TMEM132B: variants seen among roughly 807,000 people sequenced by gnomAD.
The protein encoded by TMEM132B is transmembrane protein 132B.
In TMEM132B, 18 loss-of-function variants were observed where a neutral mutation model predicts 90.8. That is an observed-to-expected ratio of 0.20 (90% CI 0.14 to 0.29). The LOEUF (loss-of-function observed/expected upper bound fraction) is 0.29, where lower values mean the gene tolerates loss of function less well. Among genes scored for constraint, TMEM132B ranks in the 10% least tolerant of loss-of-function variants. TMEM132B has a pLI of 1.00. For missense variants in TMEM132B, 1,096 were observed against 1,326.8 expected (o/e 0.83, Z 2.70); for synonymous variants, 504 against 523.3 (o/e 0.96, Z 0.50).
At chr12:125,196,913 A>G (rs1386325305) in intron 1 of TMEM132B, among the ~76,000 whole-genome samples, 1 of 152,176 alleles carries the variant, frequency 6.6e-6, no homozygotes, top group African/African-American at 2.4e-5. Context: ...ACACAGCTGG[A>G]AAGAGCAGAG....
chr12:125,282,016 A>T, intron 1 of TMEM132B, among the ~76,000 whole-genome samples: 1 of 117,948 alleles, frequency 8.5e-6, no homozygotes, highest in Non-Finnish European at 1.7e-5. Context: ...CAACACAGGG[A>T]GACTCCGTCT....
chr12:125,249,297 G>A (rs1036849294), intron 1 of TMEM132B, among the ~76,000 whole-genome samples: 4 of 152,102 alleles, frequency 2.6e-5, no homozygotes, highest in Admixed American at 1.3e-4. Context: ...GGTGGGGCCC[G>A]AGGATTTGCA....
At chr12:125,497,534 A>G (rs1882592691) in intron 3 of TMEM132B, among the ~76,000 whole-genome samples, 1 of 152,192 alleles carries the variant, frequency 6.6e-6, no homozygotes, top group African/African-American at 2.4e-5. Context: ...GTGGTGACTG[A>G]GTAGAGTCTT....
intron 3 of TMEM132B, among the ~76,000 whole-genome samples, chr12:125,505,177 A>AAAAC (rs1882808683): frequency 7.3e-6 from 1 of 137,100 alleles, no homozygotes; most frequent in Non-Finnish European, 1.5e-5. Context: ...AAAAAAAAAA[A>AAAAC]AAAAAAAAAA....
chr12:125,339,774 C>A (rs373053090), intron 1 of TMEM132B, among the ~76,000 whole-genome samples: 1 of 152,116 alleles, frequency 6.6e-6, no homozygotes, highest in African/African-American at 2.4e-5. Flanking sequence ...CTAGCTACAG[C>A]GTGGGATAAA....
intron 1 of TMEM132B, among the ~76,000 whole-genome samples, chr12:125,240,711 C>G (rs1398344126): frequency 6.6e-6 from 1 of 152,214 alleles, no homozygotes; most frequent in Non-Finnish European, 1.5e-5. Context: ...CATCTCTCTT[C>G]CGGACTGCAT....
intron 1 of TMEM132B, among the ~76,000 whole-genome samples, chr12:125,281,212 G>A (rs1356140853): frequency 6.6e-6 from 1 of 152,164 alleles, no homozygotes; most frequent in Non-Finnish European, 1.5e-5. Context: ...ATGCAAATGC[G>A]GAGTGGGTGT....
intron 4 of TMEM132B, among the ~76,000 whole-genome samples, chr12:125,532,366 T>C (rs995862267): frequency 6.6e-6 from 1 of 152,182 alleles, no homozygotes; most frequent in African/African-American, 2.4e-5. Flanking sequence ...CAAGGATGGC[T>C]GTCATGCAGC....
chr12:125,439,512 T>C (rs143613859), intron 3 of TMEM132B, among the ~76,000 whole-genome samples: 68 of 152,350 alleles, frequency 4.5e-4, no homozygotes, highest in Non-Finnish European at 7.6e-4. Flanking sequence ...TTTTGCACAT[T>C]GATTTTGTAT....
chr12:125,322,134 G>A (rs916587301), intron 1 of TMEM132B, among the ~76,000 whole-genome samples: 5 of 152,214 alleles, frequency 3.3e-5, no homozygotes, highest in African/African-American at 4.8e-5. Flanking sequence ...ATCCCCACGT[G>A]TCGTGGGAGG....
rs60316781 is a variant in TMEM132B at position 125,277,502 on chromosome 12, AAC to A, written c.68-71924_68-71923del. ...TCAAAAAAAAAAGATGAAGAGGGAG[AAC>A]ACACACACACACACACACACACACA... On this transcript the variant is annotated intron_variant, in intron 1 of 8. Transcript: ENST00000682704. This position sits in a 1 kb window ranked among gnomAD's most constrained non-coding sequence, Gnocchi z 4.3. 1.6e-3 allele frequency among the ~76,000 whole-genome samples: 226 copies of A among 142,946 alleles called. 1 individual carries two copies. The highest frequency in any genetic ancestry group is 3.5e-3 in the Middle Eastern group (1 of 282). The allele number at this position is 142,946 out of a possible 152,430, so 93.8% of individuals were successfully genotyped here.
At chr12:125,645,684 A>G (rs1886748670) in intron 6 of TMEM132B, among the ~76,000 whole-genome samples, 1 of 152,202 alleles carries the variant, frequency 6.6e-6, no homozygotes, top group Non-Finnish European at 1.5e-5. Flanking sequence ...TGACGCCTTA[A>G]TATTGAACTT....
chr12:125,322,112 A>G (rs1279139391), intron 1 of TMEM132B, among the ~76,000 whole-genome samples: 1 of 152,232 alleles, frequency 6.6e-6, no homozygotes, highest in Non-Finnish European at 1.5e-5. Flanking sequence ...ATCTTGAATT[A>G]TAGCTCTCAT....
Position 125,407,912 on chromosome 12 carries a change from C to T in TMEM132B, c.960-7619C>T, listed in dbSNP as rs1313896297. 6.6e-6 allele frequency among the ~76,000 whole-genome samples: 1 copy of T among 152,214 alleles called. No individual in the cohort carries two copies. Among genetic ancestry groups the T allele is most frequent in the Non-Finnish European group, 1.5e-5 (1 of 68,034 alleles). ...TTCATATTGAACTGTAACCTACATG[C>T]AGAAGAGTCCACATAAGCGAGCACA... On this transcript the variant is annotated intron_variant, in intron 2 of 8. Transcript: ENST00000682704. This position sits in a 1 kb window ranked among gnomAD's most constrained non-coding sequence, Gnocchi z 6.7.
At chr12:125,481,855 C>T (rs1188941953) in intron 3 of TMEM132B, among the ~76,000 whole-genome samples, 22 of 152,190 alleles carry the variant, frequency 1.4e-4, no homozygotes, top group Admixed American at 1.0e-3. Flanking sequence ...TCAAACTATA[C>T]TACAAGGCTA....
rs1049172581 is a variant in TMEM132B, at chr12:125,407,394, A to G, written c.960-8137A>G. ...TTCAAAAGTGGCTGGTCTAAGTAGA[A>G]GACAGAAAGATGCAGGTGTGTACTC... is the stretch of plus-strand genomic sequence containing the variant. On this transcript the variant is annotated intron_variant, in intron 2 of 8. Coordinates refer to ENST00000682704, the MANE Select transcript of TMEM132B (RefSeq NM_001366854.1). This position sits in a 1 kb window ranked among gnomAD's most constrained non-coding sequence, Gnocchi z 6.7. 6.6e-6 allele frequency among the ~76,000 whole-genome samples: 1 copy of G among 152,236 alleles called. No individual in the cohort carries two copies. The highest frequency in any genetic ancestry group is 2.4e-5 in the African/African-American group (1 of 41,458).
intron 1 of TMEM132B, among the ~76,000 whole-genome samples, chr12:125,208,747 G>A (rs186248408): frequency 2.7e-4 from 41 of 152,300 alleles, no homozygotes; most frequent in Non-Finnish European, 5.4e-4. Flanking sequence ...TGAGATGGCC[G>A]CGTGGTAGAA....
chr12:125,488,639 C>T (rs1593170903), intron 3 of TMEM132B, among the ~76,000 whole-genome samples: 1 of 152,228 alleles, frequency 6.6e-6, no homozygotes, highest in Non-Finnish European at 1.5e-5. Context: ...GAGGCCTCCC[C>T]AGCCACGTGG....
At chr12:125,563,715 G>GCCAA (rs1195614401) in intron 4 of TMEM132B, among the ~76,000 whole-genome samples, 2 of 152,136 alleles carry the variant, frequency 1.3e-5, no homozygotes. Flanking sequence ...TGCATTTATG[G>GCCAA]TGGTACCTAA....
Sources: allele counts gnomAD v4.1 joint callset (sites outside exome capture counted in the v4.1 genomes callset), GRCh38; gene constraint gnomAD v4.1.1; non-coding constraint Gnocchi (gnomAD v3.1); transcripts MANE v1.5; gene names NCBI Gene and HGNC (gene_info 2026-07-23, HGNC 2026-07-21).